The following DCN variants were observed in gnomAD, a reference collection of about 807,000 sequenced individuals.
The protein encoded by DCN is bone proteoglycan II.
DCN carries 17 observed loss-of-function variants against 36.5 expected under a neutral mutation model. The ratio of observed to expected loss-of-function variants is 0.47; its 90% CI spans 0.32 to 0.70. The LOEUF is 0.70. Ranked by LOEUF, DCN falls within the 30% of genes least tolerant of loss-of-function variation. The pLI is 0.04. For synonymous variants in DCN, 163 were observed against 161.4 expected (o/e 1.01, Z -0.07); for missense variants, 389 against 430.1 (o/e 0.90, Z 0.84).
At chr12:91,148,876 G>C (rs1321229109) in intron 7 of DCN, among the ~76,000 whole-genome samples, 1 of 152,010 alleles carries the variant, frequency 6.6e-6, no homozygotes, top group Non-Finnish European at 1.5e-5. Flanking sequence ...GAATATTAAA[G>C]TGAAAGCAAC....
chr12:91,156,040 C>T (rs979973606), intron 5 of DCN, among the ~76,000 whole-genome samples: 1 of 152,128 alleles, frequency 6.6e-6, no homozygotes, highest in Non-Finnish European at 1.5e-5. Context: ...GAGGGGAAAA[C>T]TAGATAATAT....
intron 6 of DCN, 54 bp from the exon 7 acceptor site, chr12:91,151,846 C>A (rs1881451780): frequency 6.2e-7 from 1 of 1,605,970 alleles, no homozygotes; most frequent in Non-Finnish European, 8.5e-7. Flanking sequence ...GCCTTTCTTA[C>A]AAGCATTGTG....
intron 2 of DCN, chr12:91,175,531 T>A (rs1592708054): frequency 6.6e-6 from 1 of 152,252 alleles, no homozygotes; most frequent in East Asian, 1.9e-4. Context: ...TTGCCAAGAA[T>A]ATTTCTTAGT....
intron 3 of DCN, among the ~76,000 whole-genome samples, chr12:91,158,798 T>C (rs1477284718): frequency 4.0e-5 from 6 of 151,876 alleles, no homozygotes; most frequent in African/African-American, 1.5e-4. Flanking sequence ...CCCGTCTGTA[T>C]CAAAAATACA....
chr12:91,182,795 TGCTTCTACTCCATA>T lies in DCN; in HGVS notation c.-188_-175del, dbSNP rs1470566549. 1 of 152,078 alleles carries T rather than the reference TGCTTCTACTCCATA, an allele frequency of 6.6e-6. No homozygotes were observed. Among genetic ancestry groups the T allele is most frequent in the Admixed American group, 6.6e-5 (1 of 15,238 alleles). 9.4% of individuals were successfully genotyped at this position (152,078 alleles called of 1,614,324 possible). On this transcript the variant is annotated 5_prime_UTR_variant, in exon 1 of 8. It removes an upstream start codon present in the reference 5' UTR. Transcript: ENST00000052754. ...CTCTGTGACTAGGTTGAAAACCTCCTGCTTCTACTCCATAGCACAGTTAAAAAATAAGGTTTCCC... is the reference window on the plus strand; with the variant it reads ...CTCTGTGACTAGGTTGAAAACCTCCTGCACAGTTAAAAAATAAGGTTTCCC...
At chr12:91,180,899 A>C (rs936621770) in intron 1 of DCN, 1 of 152,196 alleles carries the variant, frequency 6.6e-6, no homozygotes, top group Non-Finnish European at 1.5e-5. Flanking sequence ...CAGTTAATGC[A>C]GATGTCACTT....
intron 2 of DCN, chr12:91,172,821 T>C (rs1214322478): frequency 2.9e-6 from 2 of 691,102 alleles, no homozygotes; most frequent in Admixed American, 2.1e-5. Context: ...ATAAGGCAGT[T>C]TGTTGTGTAG....
intron 6 of DCN, among the ~76,000 whole-genome samples, chr12:91,152,580 C>A (rs1279499006): frequency 1.3e-5 from 2 of 151,996 alleles, no homozygotes; most frequent in African/African-American, 4.8e-5. Context: ...ACAACAAAAG[C>A]TTTTCTTTTG....
chr12:91,170,159 T>A (rs901335677), intron 2 of DCN, among the ~76,000 whole-genome samples: 2 of 152,062 alleles, frequency 1.3e-5, no homozygotes, highest in East Asian at 1.9e-4. Flanking sequence ...TTTGTGAGAA[T>A]TCAATAAGCT....
chr12:91,181,815 A>C (rs938067375), intron 1 of DCN, among the ~76,000 whole-genome samples: 10 of 152,066 alleles, frequency 6.6e-5, no homozygotes, highest in Non-Finnish European at 1.0e-4. Flanking sequence ...ATGTAATTTT[A>C]AAATAAAGAA....
In DCN at chr12:91,178,475, G is replaced by A. The variant is rs1456477992; in HGVS notation, c.78C>T (p.Asp26=). The change falls in exon 2 of 8, where the codon GAC becomes GAT. Residue 26 remains aspartate, a synonymous_variant. Transcript: ENST00000052754. ...AGPFQQRGLF[D]FMLEDEASGI... ...CAGAAGCCTCATCTTCTAGCATAAA[G>A]TCAAATAAGCCTCTCTGTTGAAACG... 6.2e-7 allele frequency: 1 copy of A among 1,613,650 alleles called. No individual in the cohort carries two copies. Among genetic ancestry groups the A allele is most frequent in the African/African-American group, 1.3e-5 (1 of 74,786 alleles).
At chr12:91,146,815 C>G in intron 7 of DCN, among the ~76,000 whole-genome samples, 1 of 152,176 alleles carries the variant, frequency 6.6e-6, no homozygotes, top group South Asian at 2.1e-4. Context: ...TATCCTTGAG[C>G]TCCAATTCTC....
chr12:91,181,924 T>C (rs1301109481), intron 1 of DCN, among the ~76,000 whole-genome samples: 1 of 151,866 alleles, frequency 6.6e-6, no homozygotes, highest in African/African-American at 2.4e-5. Context: ...CCACAGGTAT[T>C]TACATCACTG....
At position 91,140,715 on chromosome 12, in the gene DCN, TA is replaced by T. The variant is rs1880729768; in HGVS notation, c.*5342del. 5.9e-5 allele frequency: 9 copies of T among 152,198 alleles called. No individual in the cohort carries two copies. The highest frequency in any genetic ancestry group is 1.3e-4 in the Admixed American group (2 of 15,272). 9.4% of individuals were successfully genotyped at this position (152,198 alleles called of 1,614,324 possible). On this transcript the variant is annotated 3_prime_UTR_variant, in exon 8 of 8. Coordinates refer to ENST00000052754, the MANE Select transcript of DCN (RefSeq NM_001920.5). ...CCCTTGAGCTCCAAAATTCTAGATC[TA>T]AATCCTCCTTGACACCTCCATATGG...
At chr12:91,151,459 T>G (rs1330593366) in intron 7 of DCN, 195 bp downstream of exon 7, 3 of 618,870 alleles carry the variant, frequency 4.8e-6, no homozygotes, top group Non-Finnish European at 8.4e-6. Context: ...AATCAAAAAC[T>G]TTATTGAAAT....
At chr12:91,152,895 G>T (rs1028742500) in intron 6 of DCN, among the ~76,000 whole-genome samples, 2 of 152,014 alleles carry the variant, frequency 1.3e-5, no homozygotes, top group Non-Finnish European at 2.9e-5. Flanking sequence ...GCTGATCTTG[G>T]TGGTTTTAGT....
rs140298820 is a variant in DCN at position 91,145,529 on chromosome 12, T to C, written c.*529A>G. On this transcript the variant is annotated 3_prime_UTR_variant, in exon 8 of 8. Transcript: ENST00000052754. ...CAATTAAGCTTGTATACAATAGTAA[T>C]TTTGAATGTATTTTTAAATTTATTT... 1.2e-5 allele frequency: 2 copies of C among 169,040 alleles called. No homozygotes were observed. The highest frequency in any genetic ancestry group is 4.8e-5 in the African/African-American group (2 of 41,708). The allele number at this position is 169,040 out of a possible 1,614,324, so 10.5% of individuals were successfully genotyped here.
At chr12:91,165,322 T>C (rs941982771) in intron 2 of DCN, among the ~76,000 whole-genome samples, 6 of 152,186 alleles carry the variant, frequency 3.9e-5, no homozygotes, top group African/African-American at 1.4e-4. Flanking sequence ...TTATGACCAA[T>C]AGATATATGG....
At chr12:91,180,979 G>A (rs1470487108) in intron 1 of DCN, 2 of 152,120 alleles carry the variant, frequency 1.3e-5, no homozygotes, top group South Asian at 2.1e-4. Context: ...AAAATGTTGA[G>A]TATTAGCTGA....
Sources: gnomAD v4.1 joint callset for allele counts (sites outside exome capture counted in the v4.1 genomes callset) on GRCh38, gnomAD v4.1.1 for gene constraint, MANE v1.5 for transcripts, NCBI Gene and HGNC (gene_info 2026-07-23, HGNC 2026-07-21) for gene names.